The following CASP9 variants were observed in gnomAD, a reference collection of about 807,000 sequenced individuals.
The protein encoded by CASP9 is caspase-9.
A neutral mutation model predicts 43.5 loss-of-function variants in CASP9; 29 were observed. The ratio of observed to expected loss-of-function variants is 0.67; its 90% CI spans 0.50 to 0.91. The LOEUF (loss-of-function observed/expected upper bound fraction) is 0.91, where lower values mean the gene tolerates loss of function less well. CASP9 is among the 40% of genes least tolerant of loss of function. The pLI, the probability that CASP9 is intolerant of heterozygous loss-of-function variation, is 0.00. For synonymous variants in CASP9, 206 were observed against 211.9 expected (o/e 0.97, Z 0.24); for missense variants, 575 against 537.4 (o/e 1.07, Z -0.69).
intron 2 of CASP9, among the ~76,000 whole-genome samples, chr1:15,513,502 A>T (rs1709843097): frequency 6.6e-6 from 1 of 152,160 alleles, no homozygotes; most frequent in South Asian, 2.1e-4. Flanking sequence ...ATACAAAGAC[A>T]AAGCCACTCT....
intron 6 of CASP9, among the ~76,000 whole-genome samples, chr1:15,504,332 G>A (rs1034580464): frequency 2.0e-5 from 3 of 152,336 alleles, no homozygotes; most frequent in Admixed American, 6.5e-5. Flanking sequence ...TCTCTCTTCT[G>A]CTTTCTTTTT....
chr1:15,503,338 C>G (rs1709399770), intron 6 of CASP9, among the ~76,000 whole-genome samples: 1 of 152,130 alleles, frequency 6.6e-6, no homozygotes, highest in South Asian at 2.1e-4. Flanking sequence ...TGTTATTTTC[C>G]CCATTTGCTG....
intron 6 of CASP9, among the ~76,000 whole-genome samples, chr1:15,500,973 G>A (rs4646074): frequency 0.017 from 2,533 of 152,256 alleles, 59 homozygotes; most frequent in African/African-American, 0.058. Flanking sequence ...TGATGTGAAG[G>A]CCTTGCCTAG....
rs2103389631 is a variant in CASP9 at position 15,524,079 on chromosome 1, T to C, written c.122A>G (p.Glu41Gly). 6.6e-7 allele frequency: 1 copy of C among 1,511,838 alleles called. No homozygotes were observed. The highest frequency in any genetic ancestry group is 8.8e-7 in the Non-Finnish European group (1 of 1,134,448). 93.7% of individuals were successfully genotyped at this position (1,511,838 alleles called of 1,614,324 possible). Reference sequence around the variant, plus strand: ...GGGCCGGGGGCGCACCTGGATGTCCTCGATCATATGGGGCCTGAACAGCTC... The same window carrying C: ...GGGCCGGGGGCGCACCTGGATGTCCCCGATCATATGGGGCCTGAACAGCTC... ...SRELFRPHMI[E>G]DIQRAGSGSR... Residue 41 changes from glutamate to glycine, a missense_variant, in exon 1 of 9, where the codon GAG becomes GGG. Transcript: ENST00000333868.
At chr1:15,505,258 A>C (rs1709474579) in intron 5 of CASP9, among the ~76,000 whole-genome samples, 1 of 152,204 alleles carries the variant, frequency 6.6e-6, no homozygotes. Context: ...GAAGAGGTCC[A>C]GGGTAGGGCC....
At chr1:15,522,476 G>A (rs1302920275) in intron 1 of CASP9, among the ~76,000 whole-genome samples, 1 of 152,172 alleles carries the variant, frequency 6.6e-6, no homozygotes, top group Non-Finnish European at 1.5e-5. Flanking sequence ...CCAACACTGA[G>A]GCAGGAGAAT....
At chr1:15,500,666 G>C (rs745552243) in intron 6 of CASP9, among the ~76,000 whole-genome samples, 3 of 152,130 alleles carry the variant, frequency 2.0e-5, no homozygotes, top group Non-Finnish European at 4.4e-5. Context: ...ATTGCTTCTG[G>C]TTGTTTTCTT....
At chr1:15,512,286 A>G (rs1396830151) in intron 2 of CASP9, among the ~76,000 whole-genome samples, 11 of 151,774 alleles carry the variant, frequency 7.2e-5, no homozygotes. Flanking sequence ...GGTTAAATAT[A>G]ACAGTATTTC....
intron 1 of CASP9, among the ~76,000 whole-genome samples, chr1:15,523,310 G>A (rs965592329): frequency 6.6e-6 from 1 of 152,232 alleles, no homozygotes; most frequent in Non-Finnish European, 1.5e-5. Flanking sequence ...TAGTCCTTAT[G>A]ACAGTATTAT....
At position 15,506,879 on chromosome 1, in the gene CASP9, T is replaced by G; in HGVS notation, c.630+20A>C. ...CCCACTGCCCCCCACCCTGTCTCCCTCCACAGATAGTGAGTGTACCTTGGC... is the reference window on the plus strand; with the variant it reads ...CCCACTGCCCCCCACCCTGTCTCCCGCCACAGATAGTGAGTGTACCTTGGC... On this transcript the variant is annotated intron_variant, in intron 4 of 8. Transcript: ENST00000333868. 5 of 1,250,646 alleles carry G rather than the reference T, an allele frequency of 4.0e-6. No individual in the cohort carries two copies. The highest frequency in any genetic ancestry group is 5.8e-6 in the Non-Finnish European group (5 of 869,250). 77.5% of individuals were successfully genotyped at this position (1,250,646 alleles called of 1,614,324 possible).
At chr1:15,518,502 G>T in intron 1 of CASP9, 107 bp from the exon 2 acceptor site, 1 of 1,176,836 alleles carries the variant, frequency 8.5e-7, no homozygotes, top group South Asian at 1.5e-5. Context: ...TCAGGCACGT[G>T]GGCAGCAATG....
At chr1:15,507,441 T>C (rs1709569481) in intron 3 of CASP9, among the ~76,000 whole-genome samples, 1 of 152,212 alleles carries the variant, frequency 6.6e-6, no homozygotes, top group Non-Finnish European at 1.5e-5. Context: ...CCCCTTGTAA[T>C]TCTCTCAAGG....
chr1:15,501,453 T>C (rs1176069757), intron 6 of CASP9, among the ~76,000 whole-genome samples: 1 of 152,056 alleles, frequency 6.6e-6, no homozygotes, highest in Non-Finnish European at 1.5e-5. Flanking sequence ...TAAAGTATTA[T>C]AGTGAGTTAT....
intron 6 of CASP9, among the ~76,000 whole-genome samples, chr1:15,500,121 T>TA (rs923997595): frequency 3.1e-5 from 4 of 130,792 alleles, no homozygotes; most frequent in African/African-American, 9.8e-5. Context: ...GAGCTTTGGT[T>TA]AAAAAATATA....
At chr1:15,508,409 T>C (rs1471109759) in intron 2 of CASP9, among the ~76,000 whole-genome samples, 1 of 152,174 alleles carries the variant, frequency 6.6e-6, no homozygotes, top group African/African-American at 2.4e-5. Flanking sequence ...TTCTTTTTTT[T>C]CTTTTTTCTT....
chr1:15,504,082 A>C (rs1372514032), intron 6 of CASP9, among the ~76,000 whole-genome samples: 1 of 152,240 alleles, frequency 6.6e-6, no homozygotes, highest in Non-Finnish European at 1.5e-5. Flanking sequence ...TCCTGGCTCA[A>C]GCAATCCTCC....
chr1:15,494,858 A>G (rs1158877102), intron 7 of CASP9, among the ~76,000 whole-genome samples: 3 of 101,370 alleles, frequency 3.0e-5, no homozygotes, highest in African/African-American at 6.0e-5. Flanking sequence ...GCGAGATTCC[A>G]TCTCAAAAAA....
chr1:15,509,430 C>T (rs1438421450), intron 2 of CASP9, among the ~76,000 whole-genome samples: 2 of 136,592 alleles, frequency 1.5e-5, no homozygotes, highest in African/African-American at 2.8e-5. Context: ...GCCTGGCCAA[C>T]GTGGTGAAAC....
At chr1:15,493,156 C>A in intron 8 of CASP9, 121 bp from the exon 9 acceptor site, 1 of 1,519,456 alleles carries the variant, frequency 6.6e-7, no homozygotes, top group Non-Finnish European at 8.8e-7. Flanking sequence ...CAAACTGCAG[C>A]CTCTTTGAGC....
Sources: gnomAD v4.1 joint callset for allele counts (sites outside exome capture counted in the v4.1 genomes callset) on GRCh38, gnomAD v4.1.1 for gene constraint, MANE v1.5 for transcripts, NCBI Gene and HGNC (gene_info 2026-07-23, HGNC 2026-07-21) for gene names.